The following IL1RAPL2 variants were observed in gnomAD, a reference collection of about 807,000 sequenced individuals.
The protein encoded by IL1RAPL2 is interleukin 1 receptor accessory protein like 2.
In IL1RAPL2, 3 loss-of-function variants were observed where a neutral mutation model predicts 44.1. The ratio of observed to expected loss-of-function variants is 0.07; its 90% confidence interval spans 0.03 to 0.18. IL1RAPL2 has a LOEUF of 0.18. Ranked by LOEUF, IL1RAPL2 falls within the 10% of genes least tolerant of loss-of-function variation. IL1RAPL2 has a pLI of 1.00. For synonymous variants in IL1RAPL2, 181 were observed against 178.8 expected (o/e 1.01, Z -0.10); for missense variants, 391 against 496.4 (o/e 0.79, Z 2.02).
intron 2 of IL1RAPL2, among the ~76,000 whole-genome samples, chrX:104,894,771 C>T (rs980624787): frequency 3.6e-5 from 4 of 112,173 alleles, no homozygotes; most frequent in Non-Finnish European, 7.5e-5. Flanking sequence ...CATCTGAAGC[C>T]TTCTTGTCTC....
intron 2 of IL1RAPL2, among the ~76,000 whole-genome samples, chrX:104,895,708 G>T (rs757016576): frequency 8.9e-5 from 10 of 112,045 alleles, no homozygotes; most frequent in Non-Finnish European, 1.9e-4. Context: ...CTAGGAAAGA[G>T]AATTCCCTGA....
At chrX:104,627,843 G>A (rs1283734869) in intron 1 of IL1RAPL2, among the ~76,000 whole-genome samples, 1 of 110,580 alleles carries the variant, frequency 9.0e-6, no homozygotes, top group Non-Finnish European at 1.9e-5. Context: ...CAACCTGCCT[G>A]GTATGTCTAA....
rs1449917508 is a variant in IL1RAPL2, at chrX:104,645,597, T to C, written c.-19-13298T>C. On this transcript the variant is annotated intron_variant, in intron 1 of 10. Coordinates refer to ENST00000372582, the MANE Select transcript of IL1RAPL2 (RefSeq NM_017416.2). ...TCTCATAAACATGAGTTTGATTTCT[T>C]CTCTCTTTCCTTTCAAAACACTCCA... Among the ~76,000 whole-genome samples the C allele has an allele frequency of 6.2e-5, 7 of 112,380 alleles. No homozygotes were observed. The South Asian group carries it at 1.1e-3, about 18-fold the overall frequency.
At chrX:105,176,984 C>T (rs2033479907) in intron 2 of IL1RAPL2, among the ~76,000 whole-genome samples, 1 of 111,455 alleles carries the variant, frequency 9.0e-6, no homozygotes, top group African/African-American at 3.3e-5. Context: ...CACTAGCTAT[C>T]AGTGAGTCAT....
intron 5 of IL1RAPL2, among the ~76,000 whole-genome samples, chrX:105,270,882 A>T (rs921527949): frequency 7.1e-5 from 8 of 111,986 alleles, no homozygotes; most frequent in African/African-American, 2.6e-4. Flanking sequence ...TAATTACAAA[A>T]TTATGTAAAT....
intron 2 of IL1RAPL2, among the ~76,000 whole-genome samples, chrX:104,686,100 T>C (rs748555969): frequency 1.3e-3 from 149 of 111,441 alleles, no homozygotes; most frequent in South Asian, 2.6e-3. Flanking sequence ...AATCAGAATG[T>C]GAGAGTAGTC....
At chrX:105,685,385 G>A (rs1018023768) in intron 6 of IL1RAPL2, among the ~76,000 whole-genome samples, 2 of 111,914 alleles carry the variant, frequency 1.8e-5, no homozygotes, top group East Asian at 2.8e-4. Flanking sequence ...GCTGAAAACC[G>A]TGGCATGAGG....
rs151121622 is a variant in IL1RAPL2 at position 104,607,414 on chromosome X, G to A, written c.-20+40363G>A. On this transcript the variant is annotated intron_variant, in intron 1 of 10. Transcript: ENST00000372582. ...GATCTGATTAAATTAAAGAGCTTCT[G>A]CACAGCAAAATAAATTGTCATTAGA... 5.7e-3 allele frequency among the ~76,000 whole-genome samples: 638 copies of A among 112,160 alleles called. 8 individuals carry two copies. The highest frequency in any genetic ancestry group is 0.018 in the Middle Eastern group (4 of 218).
At chrX:104,761,719 A>C (rs896609742) in intron 2 of IL1RAPL2, among the ~76,000 whole-genome samples, 5 of 111,042 alleles carry the variant, frequency 4.5e-5, no homozygotes, top group South Asian at 3.9e-4. Flanking sequence ...AAATATACCC[A>C]TTCCAAATGG....
chrX:104,676,475 A>C, intron 2 of IL1RAPL2, among the ~76,000 whole-genome samples: 1 of 112,118 alleles, frequency 8.9e-6, no homozygotes, highest in East Asian at 2.8e-4. Flanking sequence ...ATCCACTGTT[A>C]GTCTGATGGG....
chrX:105,712,727 C>T (rs768031183), intron 6 of IL1RAPL2, among the ~76,000 whole-genome samples: 1 of 111,771 alleles, frequency 8.9e-6, no homozygotes, highest in South Asian at 3.8e-4. Flanking sequence ...CCAATAGTCC[C>T]CCAAAGTCTT....
intron 2 of IL1RAPL2, among the ~76,000 whole-genome samples, chrX:105,036,786 C>T (rs937358088): frequency 9.0e-6 from 1 of 111,384 alleles, no homozygotes; most frequent in Admixed American, 9.6e-5. Context: ...CAGTGATGCA[C>T]AAAAATTAGC....
At chrX:105,217,734 A>T (rs1172030113) in intron 3 of IL1RAPL2, among the ~76,000 whole-genome samples, 1 of 112,404 alleles carries the variant, frequency 8.9e-6, no homozygotes, top group Non-Finnish European at 1.9e-5. Context: ...GATTAAGAAA[A>T]TGTGGCACAT....
chrX:104,826,537 T>C (rs1225700555), intron 2 of IL1RAPL2, among the ~76,000 whole-genome samples: 1 of 111,676 alleles, frequency 9.0e-6, no homozygotes, highest in Admixed American at 9.6e-5. Context: ...TCTAATTATA[T>C]GGTCAATTTT....
At chrX:104,581,209 G>C in intron 1 of IL1RAPL2, among the ~76,000 whole-genome samples, 1 of 111,872 alleles carries the variant, frequency 8.9e-6, no homozygotes, top group Non-Finnish European at 1.9e-5. Flanking sequence ...AGAAGCAAAA[G>C]GAGCAAAAGA....
At chrX:104,739,381 C>T (rs1463298823) in intron 2 of IL1RAPL2, among the ~76,000 whole-genome samples, 7 of 112,366 alleles carry the variant, frequency 6.2e-5, no homozygotes, top group Admixed American at 5.7e-4. Context: ...AACTTGGCTT[C>T]ACATTGTAAT....
intron 2 of IL1RAPL2, among the ~76,000 whole-genome samples, chrX:104,877,881 GA>G (rs1922952415): frequency 8.9e-6 from 1 of 111,748 alleles, no homozygotes; most frequent in Non-Finnish European, 1.9e-5. Flanking sequence ...AGAAGATCTG[GA>G]AAAACTGAAG....
intron 2 of IL1RAPL2, among the ~76,000 whole-genome samples, chrX:105,079,222 G>C (rs1045374993): frequency 2.1e-4 from 23 of 111,778 alleles, no homozygotes; most frequent in African/African-American, 7.2e-4. Flanking sequence ...CTGTTGGTGG[G>C]AGTGTAAATT....
At chrX:105,684,293 G>A (rs1040362054) in intron 6 of IL1RAPL2, among the ~76,000 whole-genome samples, 11 of 112,489 alleles carry the variant, frequency 9.8e-5, no homozygotes, top group Non-Finnish European at 2.1e-4. Context: ...GGGAAGCTGT[G>A]ACAGATTACC....
Sources: gnomAD v4.1 joint callset for allele counts (sites outside exome capture counted in the v4.1 genomes callset) on GRCh38, gnomAD v4.1.1 for gene constraint, MANE v1.5 for transcripts, NCBI Gene and HGNC (gene_info 2026-07-23, HGNC 2026-07-21) for gene names.